CTSE: variants seen among roughly 807,000 people sequenced by gnomAD.
CTSE encodes the protein erythrocyte membrane aspartic proteinase.
Under a neutral mutation model 42.8 loss-of-function variants are expected in CTSE, and 43 were observed. The observed-to-expected ratio is 1.01, with a 90% CI of 0.79 to 1.30. The LOEUF (loss-of-function observed/expected upper bound fraction) is 1.30. Among genes scored for constraint, CTSE ranks in the 50% most tolerant of loss-of-function variants. The pLI is 0.00. For synonymous variants in CTSE, 205 were observed against 191.5 expected (o/e 1.07, Z -0.58); for missense variants, 532 against 493.5 (o/e 1.08, Z -0.74).
At position 206,023,051 on chromosome 1, in the gene CTSE, G is replaced by A. The variant is rs782625690; in HGVS notation, c.75C>T (p.Pro25=). Residue 25 remains proline (P), a synonymous_variant, in exon 2 of 9, where the codon CCC becomes CCT. Coordinates refer to ENST00000358184, the MANE Select transcript of CTSE (RefSeq NM_001910.4). ...TCTTGAGGGACGGATGCCTCCTGAG[G>A]GGCACCCTGGAGACAAACCCCCATG... The part of the protein sequence containing the change: ...GEAQGSLHRV[P]LRRHPSLKKK... 9 of 1,612,752 alleles carry A rather than the reference G, an allele frequency of 5.6e-6. No individual in the cohort carries two copies. The highest frequency in any genetic ancestry group is 3.3e-5 in the Admixed American group (2 of 59,966).
rs1661528636 is a variant in CTSE at position 206,023,875 on chromosome 1, C to T, written c.-84G>A. 10 of 1,335,508 alleles carry T rather than the reference C, an allele frequency of 7.5e-6. No homozygotes were observed. Among genetic ancestry groups the T allele is most frequent in the Non-Finnish European group, 1.1e-5 (10 of 936,686 alleles). The allele number at this position is 1,335,508 out of a possible 1,614,324, so 82.7% of individuals were successfully genotyped here. On this transcript the variant is annotated 5_prime_UTR_variant, in exon 1 of 9. Coordinates refer to ENST00000358184, the MANE Select transcript of CTSE (RefSeq NM_001910.4). ...GTGGGAACGGACTTTCCCTAACTCT[C>T]AGACCTGCCCAGCCCAGTCTGAGGG...
chr1:206,011,808 C>T (rs1253079621), intron 8 of CTSE, among the ~76,000 whole-genome samples: 1 of 151,954 alleles, frequency 6.6e-6, no homozygotes, highest in Admixed American at 6.6e-5. Context: ...TCTACTTCAC[C>T]CTACAAACTT....
At chr1:206,023,679 G>GC in intron 1 of CTSE, 45 bp downstream of exon 1, 1 of 1,582,354 alleles carries the variant, frequency 6.3e-7, no homozygotes, top group Non-Finnish European at 8.7e-7. Flanking sequence ...GAGTTGCAGG[G>GC]CATGGGACTA....
At chr1:206,023,532 G>A (rs1264804891) in intron 1 of CTSE, among the ~76,000 whole-genome samples, 192 bp downstream of exon 1, 1 of 151,862 alleles carries the variant, frequency 6.6e-6, no homozygotes, top group South Asian at 2.1e-4. Context: ...GGAGGCAGGA[G>A]GATGACTTGT....
intron 5 of CTSE, among the ~76,000 whole-genome samples, chr1:206,014,293 G>A (rs762788370): frequency 7.2e-5 from 11 of 151,930 alleles, no homozygotes; most frequent in Non-Finnish European, 1.5e-4. Flanking sequence ...AGTGCCTGGC[G>A]TTTTTGTGTT....
At position 206,012,377 on chromosome 1, in the gene CTSE, G is replaced by T; in HGVS notation, c.957C>A (p.Val319=). The change falls in exon 8 of 9, where the codon GTC becomes GTA. Residue 319 remains valine (V), a synonymous_variant. Transcript: ENST00000358184. ...EYAVECANLN[V]MPDVTFTING... The stretch of plus-strand genomic sequence containing the variant: ...TAATGGTGAAGGTGACATCCGGCAT[G>T]ACGTTAAGGTTGGCACACTCCACAG... 1 of 1,613,962 alleles carries T rather than the reference G, an allele frequency of 6.2e-7. No homozygotes were observed. The highest frequency in any genetic ancestry group is 8.5e-7 in the Non-Finnish European group (1 of 1,179,908).
Position 206,013,775 on chromosome 1 carries a change from T to C in CTSE, c.782A>G (p.Asp261Gly). Residue 261 changes from aspartate to glycine, a missense_variant, in exon 6 of 9, where the codon GAT becomes GGT. Physicochemically the swap from Asp to Gly is moderately conservative, Grantham distance 94. Transcript: ENST00000358184. ...TKQAYWQIAL[D>G]NIQVGGTVMF... is the part of the protein sequence containing the mutation. ...CTACTTCATGGGGAATACTCACTTATCCAGTGCAATCTGCCAGTAAGCTTG... is the reference window on the plus strand; with the variant it reads ...CTACTTCATGGGGAATACTCACTTACCCAGTGCAATCTGCCAGTAAGCTTG... 2 of 1,613,690 alleles carry C rather than the reference T, an allele frequency of 1.2e-6. 1 individual carries two copies. Among genetic ancestry groups the C allele is most frequent in the Non-Finnish European group, 1.7e-6 (2 of 1,179,784 alleles).
In CTSE at chr1:206,011,793, C is replaced by T. The variant is rs540788977; in HGVS notation, c.1026+515G>A. On this transcript the variant is annotated intron_variant, in intron 8 of 8. Coordinates refer to ENST00000358184, the MANE Select transcript of CTSE (RefSeq NM_001910.4). Reference sequence around the variant, plus strand: ...TAGGTGTCCAAAAGGTCTGGGAGTTCCCTTTCTACTTCACCCTACAAACTT... The same window carrying T: ...TAGGTGTCCAAAAGGTCTGGGAGTTTCCTTTCTACTTCACCCTACAAACTT... 2.5e-3 allele frequency among the ~76,000 whole-genome samples: 376 copies of T among 152,140 alleles called. 3 individuals carry two copies. Among genetic ancestry groups the T allele is most frequent in the African/African-American group, 8.5e-3 (353 of 41,532 alleles).
At chr1:206,012,942 C>A (rs111476482) in intron 6 of CTSE, among the ~76,000 whole-genome samples, 16 of 152,078 alleles carry the variant, frequency 1.1e-4, no homozygotes, top group African/African-American at 2.9e-4. Context: ...GATCCACCTG[C>A]CTCGGCCTCC....
chr1:206,015,022 C>T (rs1304649208), intron 5 of CTSE, among the ~76,000 whole-genome samples: 1 of 152,028 alleles, frequency 6.6e-6, no homozygotes, highest in Non-Finnish European at 1.5e-5. Flanking sequence ...AATCACCTTC[C>T]TGTGTAAGGA....
chr1:206,016,278 T>C, intron 4 of CTSE, 148 bp from the exon 5 acceptor site: 2 of 707,762 alleles, frequency 2.8e-6, no homozygotes, highest in Non-Finnish European at 2.4e-6. Flanking sequence ...ATGCTTGCTA[T>C]ATTCCCAAAA....
rs201675695 is a variant in CTSE, at chr1:206,016,091, T to C, written c.502A>G (p.Ser168Gly). The C allele has an allele frequency of 4.4e-5, 71 of 1,613,938 alleles. No individual in the cohort carries two copies. The East Asian group carries it at 1.3e-3, about 30-fold the overall frequency. Residue 168 changes from serine to glycine, a missense_variant, in exon 5 of 9, where the codon AGT (serine) becomes GGT (glycine). Transcript: ENST00000358184. The stretch of plus-strand genomic sequence containing the variant: ...AAGGTCTGGCCTGGCTCTGTGACAC[T>C]TTCTCCAAACTGCTGGCCAACCACG... ...LTVVGQQFGE[S>G]VTEPGQTFVD...
At chr1:206,021,418 C>A (rs929808398) in intron 3 of CTSE, 5 of 450,614 alleles carry the variant, frequency 1.1e-5, no homozygotes, top group Non-Finnish European at 2.0e-5. Context: ...CCTCATGAGG[C>A]ACACCAAGAT....
At chr1:206,012,765 T>A (rs2102267199) in intron 6 of CTSE, 116 bp from the exon 7 acceptor site, 3 of 1,170,396 alleles carry the variant, frequency 2.6e-6, no homozygotes, top group Non-Finnish European at 3.7e-6. Context: ...ACCCACCATA[T>A]GAGTGTTCCT....
intron 8 of CTSE, among the ~76,000 whole-genome samples, chr1:206,011,086 A>G (rs561447572): frequency 6.6e-6 from 1 of 152,094 alleles, no homozygotes; most frequent in South Asian, 2.1e-4. Flanking sequence ...GCTCTGATTG[A>G]AATCTGCTGG....
intron 3 of CTSE, 114 bp downstream of exon 3, chr1:206,022,036 G>A (rs936552066): frequency 1.6e-6 from 1 of 638,736 alleles, no homozygotes; most frequent in South Asian, 2.1e-5. Context: ...GGAAGCTGGT[G>A]TGGCAGGGAT....
intron 6 of CTSE, 80 bp downstream of exon 6, chr1:206,013,692 T>G: frequency 6.5e-6 from 10 of 1,533,070 alleles, no homozygotes; most frequent in Non-Finnish European, 8.0e-6. Context: ...TGACCAGTGG[T>G]TTTTCAGTTA....
Position 206,022,935 on chromosome 1 carries a change from T to G in CTSE, c.191A>C (p.Gln64Pro). The change falls in exon 2 of 9, where the codon CAG becomes CCG. Residue 64 changes from glutamine to proline, a missense_variant. Physicochemically the swap from Gln to Pro is moderately conservative, Grantham distance 76. Coordinates refer to ENST00000358184, the MANE Select transcript of CTSE (RefSeq NM_001910.4). ...GTTGATGAGGGGTTCCTTGGCACTCTGGTCCATTGAGCAGGACTCGGTGAA... is the reference window on the plus strand; with the variant it reads ...GTTGATGAGGGGTTCCTTGGCACTCGGGTCCATTGAGCAGGACTCGGTGAA... Reference protein sequence around the residue: ...IQFTESCSMDQSAKEPLINYL... With the variant: ...IQFTESCSMDPSAKEPLINYL... 1 of 1,598,474 alleles carries G rather than the reference T, an allele frequency of 6.3e-7. No homozygotes were observed. Among genetic ancestry groups the G allele is most frequent in the Non-Finnish European group, 8.5e-7 (1 of 1,170,320 alleles).
In CTSE at chr1:206,009,952, G is replaced by T. The variant is rs565301115; in HGVS notation, c.*231C>A. On this transcript the variant is annotated 3_prime_UTR_variant, in exon 9 of 9. Transcript: ENST00000358184. ...TCAATACAAAATATGAATGTATAAC[G>T]TAATTCCTCCATCATGACGGTGGTG... The T allele has an allele frequency of 5.9e-6, 3 of 508,820 alleles. No individual in the cohort carries two copies. The highest frequency in any genetic ancestry group is 1.0e-5 in the Non-Finnish European group (3 of 286,082). 31.5% of individuals were successfully genotyped at this position (508,820 alleles called of 1,614,324 possible).
Sources: allele counts gnomAD v4.1 joint callset (sites outside exome capture counted in the v4.1 genomes callset), GRCh38; gene constraint gnomAD v4.1.1; transcripts MANE v1.5; gene names NCBI Gene and HGNC (gene_info 2026-07-23, HGNC 2026-07-21).